Variants in LRRC9 observed in about 807,000 individuals in gnomAD.
The protein encoded by LRRC9 is leucine-rich repeat-containing protein 9.
A neutral mutation model predicts 63.2 loss-of-function variants in LRRC9; 122 were observed. That is an observed-to-expected ratio of 1.93 (90% CI 1.67 to 2.24). The LOEUF (loss-of-function observed/expected upper bound fraction) is 2.24. LRRC9 is among the 30% of genes most tolerant of loss of function. The pLI is 0.00. For synonymous variants in LRRC9, 366 were observed against 213.1 expected, an observed-to-expected ratio of 1.72 and a Z score of -6.25; for missense variants, 1,071 against 627.7, an observed-to-expected ratio of 1.71 and a Z score of -7.55.
In LRRC9 at chr14:60,042,335, C is replaced by T. The variant is rs1272435284; in HGVS notation, c.3990+10272C>T. Among the ~76,000 whole-genome samples, 1 of 152,196 alleles carries T rather than the reference C, an allele frequency of 6.6e-6. No individual in the cohort carries two copies. On this transcript the variant is annotated intron_variant, in intron 29 of 31. Transcript: ENST00000445360. This position sits in a 1 kb window ranked among gnomAD's most constrained non-coding sequence, Gnocchi z 4.2. ...TCTGCTGCCTGTTGTTCAGCTATGC[C>T]CTGCCCCCAGAGGTGGAGTCTACAG...
rs1218213558 is a variant in LRRC9 at position 59,938,817 on chromosome 14, C to T, written c.726+245C>T. ...AGAATAATAATGTTTCTAATCTATA[C>T]AAAACAAGAAGGAAATTGAAAAAAA... is the stretch of plus-strand genomic sequence containing the variant. On this transcript the variant is annotated intron_variant, in intron 7 of 31. Coordinates refer to ENST00000445360, the Ensembl canonical transcript of LRRC9. The surrounding 1 kb of genome is among the most constrained non-coding windows in gnomAD (Gnocchi z 4.2). Among the ~76,000 whole-genome samples the T allele has an allele frequency of 1.3e-5, 2 of 148,332 alleles. No individual in the cohort carries two copies. Among genetic ancestry groups the T allele is most frequent in the African/African-American group, 5.0e-5 (2 of 40,372 alleles).
exon 32 of LRRC9, chr14:60,063,502 T>A: frequency 1.6e-6 from 1 of 616,588 alleles, no homozygotes; most frequent in African/African-American, 1.9e-5. Context: ...CAGTTCCATA[T>A]GAAGATAATC....
chr14:59,997,936 A>T, intron 18 of LRRC9, 89 bp downstream of exon 18: 1 of 573,318 alleles, frequency 1.7e-6, no homozygotes, highest in Non-Finnish European at 3.1e-6. Context: ...ATAGCCAGAG[A>T]TAGGCAAAGT....
At chr14:59,960,893 A>G (rs1363670931) in intron 9 of LRRC9, 21 bp from the exon 10 acceptor site, 1 of 622,850 alleles carries the variant, frequency 1.6e-6, no homozygotes. Context: ...TAATAGCTGT[A>G]TGTATTTTTC....
chr14:59,957,271 C>A (rs1594870587), intron 8 of LRRC9, among the ~76,000 whole-genome samples: 1 of 152,084 alleles, frequency 6.6e-6, no homozygotes, highest in African/African-American at 2.4e-5. Flanking sequence ...CCCAATCAAC[C>A]AGAGATTTGG....
At chr14:59,977,411 A>G in intron 14 of LRRC9, 64 bp downstream of exon 14, 4 of 549,828 alleles carry the variant, frequency 7.3e-6, no homozygotes, top group East Asian at 6.1e-5. Flanking sequence ...TGTGTTTAAT[A>G]CGGATACTCA....
At chr14:60,062,398 T>C (rs770018332) in intron 31 of LRRC9, among the ~76,000 whole-genome samples, 34 of 152,176 alleles carry the variant, frequency 2.2e-4, no homozygotes, top group Non-Finnish European at 3.7e-4. Context: ...TCAAAAAGGC[T>C]GAGAAATGGC....
At position 60,058,084 on chromosome 14, in the gene LRRC9, T is replaced by C; in HGVS notation, c.4276+62T>C. The C allele has an allele frequency of 2.0e-6, 1 of 488,886 alleles. No homozygotes were observed. Among genetic ancestry groups the C allele is most frequent in the Admixed American group, 3.0e-5 (1 of 33,596 alleles). The allele number at this position is 488,886 out of a possible 1,614,324, so 30.3% of individuals were successfully genotyped here. Reference sequence around the variant, plus strand: ...ACTTAATTTGAAATAAAAATATCACTTTAATTTCTAATAGTACTTAAAATT... The same window carrying C: ...ACTTAATTTGAAATAAAAATATCACCTTAATTTCTAATAGTACTTAAAATT... On this transcript the variant is annotated intron_variant, in intron 31 of 31. Coordinates refer to ENST00000445360, the Ensembl canonical transcript of LRRC9. This position sits in a 1 kb window ranked among gnomAD's most constrained non-coding sequence, Gnocchi z 4.4.
rs950120201 is a variant in LRRC9 at position 60,042,435 on chromosome 14, A to G, written c.3990+10372A>G. Among the ~76,000 whole-genome samples, 2 of 152,108 alleles carry G rather than the reference A, an allele frequency of 1.3e-5. No homozygotes were observed. Among genetic ancestry groups the G allele is most frequent in the Admixed American group, 1.3e-4 (2 of 15,276 alleles). On this transcript the variant is annotated intron_variant, in intron 29 of 31. Transcript: ENST00000445360. This position sits in a 1 kb window ranked among gnomAD's most constrained non-coding sequence, Gnocchi z 4.2. ...TCCCAGCTTCTTTGTTTACCTATTC[A>G]AGCCTCAGCAATGGCGGATGCCCCT...
At chr14:59,965,653 G>A (rs1884757847) in intron 10 of LRRC9, among the ~76,000 whole-genome samples, 1 of 151,924 alleles carries the variant, frequency 6.6e-6, no homozygotes, top group Non-Finnish European at 1.5e-5. Context: ...GGAGGCCGAG[G>A]TGGGCGGATC....
intron 6 of LRRC9, among the ~76,000 whole-genome samples, chr14:59,935,787 C>G (rs1423690622): frequency 6.6e-6 from 1 of 152,112 alleles, no homozygotes; most frequent in East Asian, 1.9e-4. Flanking sequence ...TGTGGAGGCT[C>G]AAGGTGGTTG....
chr14:59,935,441 CT>C (rs1474801013), intron 6 of LRRC9, among the ~76,000 whole-genome samples: 1 of 152,010 alleles, frequency 6.6e-6, no homozygotes, highest in Non-Finnish European at 1.5e-5. Flanking sequence ...AATGATAGAA[CT>C]TTTCTAGAAA....
At chr14:59,968,059 G>A (rs1885049745) in intron 12 of LRRC9, among the ~76,000 whole-genome samples, 1 of 151,956 alleles carries the variant, frequency 6.6e-6, no homozygotes, top group Admixed American at 6.6e-5. Context: ...AAACAAAAGT[G>A]GAATATACAT....
At chr14:59,951,737 G>T (rs1005336890) in intron 8 of LRRC9, among the ~76,000 whole-genome samples, 3 of 151,414 alleles carry the variant, frequency 2.0e-5, no homozygotes, top group Non-Finnish European at 1.5e-5. Flanking sequence ...TCAGCTGCAG[G>T]TCTGTTGGAA....
In LRRC9 at chr14:59,919,908, A is replaced by G. The variant is rs1888613685; in HGVS notation, c.-34+25A>G. 6.6e-6 allele frequency: 1 copy of G among 152,306 alleles called. No individual in the cohort carries two copies. Among genetic ancestry groups the G allele is most frequent in the Non-Finnish European group, 1.5e-5 (1 of 68,084 alleles). The allele number at this position is 152,306 out of a possible 1,614,324, so 9.4% of individuals were successfully genotyped here. ...GGTAAGTGAAAAGATAAGCGCAGGT[A>G]CAGAAAAACCTGCCAGCGAGAAGCT... is the stretch of plus-strand genomic sequence containing the variant. On this transcript the variant is annotated intron_variant, in intron 1 of 31. Transcript: ENST00000445360. This position sits in a 1 kb window ranked among gnomAD's most constrained non-coding sequence, Gnocchi z 4.5.
intron 29 of LRRC9, among the ~76,000 whole-genome samples, chr14:60,036,401 T>G (rs1368313945): frequency 6.6e-6 from 1 of 152,160 alleles, no homozygotes; most frequent in Non-Finnish European, 1.5e-5. Context: ...TCCCTTTAGC[T>G]CTTCCAGTCT....
chr14:59,944,185 T>C (rs1882089599), intron 7 of LRRC9, among the ~76,000 whole-genome samples: 1 of 151,964 alleles, frequency 6.6e-6, no homozygotes, highest in Non-Finnish European at 1.5e-5. Context: ...TTGAGTAATG[T>C]TGTATTTGCT....
At chr14:59,989,703 C>T (rs925045330) in intron 17 of LRRC9, among the ~76,000 whole-genome samples, 8 of 152,154 alleles carry the variant, frequency 5.3e-5, no homozygotes, top group Non-Finnish European at 1.2e-4. Flanking sequence ...TCTCCACACT[C>T]CCACCATAGC....
intron 16 of LRRC9, among the ~76,000 whole-genome samples, chr14:59,984,804 C>G (rs1428594938): frequency 6.6e-6 from 1 of 152,186 alleles, no homozygotes; most frequent in Non-Finnish European, 1.5e-5. Context: ...TATCTTAACA[C>G]ATGTATTTAT....
Sources: allele counts gnomAD v4.1 joint callset (sites outside exome capture counted in the v4.1 genomes callset), GRCh38; gene constraint gnomAD v4.1.1; non-coding constraint Gnocchi (gnomAD v3.1); transcripts MANE v1.5; gene names NCBI Gene and HGNC (gene_info 2026-07-23, HGNC 2026-07-21).